The following MYRFL variants were observed in gnomAD, a reference collection of about 807,000 sequenced individuals.
MYRFL encodes myelin regulatory factor like.
In MYRFL, 88 loss-of-function variants were observed where a neutral mutation model predicts 109.4. That is an observed-to-expected ratio of 0.80 (90% CI 0.68 to 0.96). MYRFL has a LOEUF of 0.96. Ranked by LOEUF, MYRFL falls within the 40% of genes least tolerant of loss-of-function variation. The probability of loss-of-function intolerance (pLI) is 0.00; values close to 1 mark genes in which losing one functional copy is unlikely to be tolerated. For synonymous variants in MYRFL, 324 were observed against 320.9 expected (o/e 1.01, Z -0.10); for missense variants, 957 against 954.9 (o/e 1.00, Z -0.03).
chr12:69,906,652 G>A (rs755989927), intron 11 of MYRFL, among the ~76,000 whole-genome samples: 1 of 152,214 alleles, frequency 6.6e-6, no homozygotes, highest in Non-Finnish European at 1.5e-5. Flanking sequence ...GAAGACAAAA[G>A]TAGACATGAA....
rs201894485 is a variant in MYRFL at position 69,916,801 on chromosome 12, GT to G, written c.1602+5872del. Among the ~76,000 whole-genome samples the G allele has an allele frequency of 3.6e-3, 499 of 140,382 alleles. 3 individuals are homozygous for G. The highest frequency in any genetic ancestry group is 0.015 in the Middle Eastern group (4 of 262). The allele number at this position is 140,382 out of a possible 152,430, so 92.1% of individuals were successfully genotyped here. On this transcript the variant is annotated intron_variant, in intron 13 of 24. Transcript: ENST00000552032. Reference sequence around the variant, plus strand: ...GCAGCCAGACTAAATGACTAAATAAGTAAGGTCATTTATATTTGAAAAATAT... The same window carrying G: ...GCAGCCAGACTAAATGACTAAATAAGAAGGTCATTTATATTTGAAAAATAT...
chr12:69,861,966 T>A (rs11520171), intron 2 of MYRFL, among the ~76,000 whole-genome samples: 2 of 147,202 alleles, frequency 1.4e-5, no homozygotes, highest in South Asian at 4.2e-4. Flanking sequence ...TTTCTACATA[T>A]GGCTAGCCAG....
At chr12:69,917,898 T>C (rs7304003) in intron 13 of MYRFL, among the ~76,000 whole-genome samples, 27,696 of 142,512 alleles carry the variant, frequency 0.19, 2,745 homozygotes, top group Non-Finnish European at 0.23. Context: ...ACTGAACATT[T>C]AGATGAAAAA....
At chr12:69,950,864 A>G (rs1306851851) in intron 19 of MYRFL, among the ~76,000 whole-genome samples, 6 of 152,240 alleles carry the variant, frequency 3.9e-5, no homozygotes, top group Non-Finnish European at 8.8e-5. Flanking sequence ...ATTTCAATTA[A>G]CAATGTTCAT....
chr12:69,936,193 A>T lies in MYRFL; in HGVS notation c.1991+6A>T. 1 of 1,511,792 alleles carries T rather than the reference A, an allele frequency of 6.6e-7. No homozygotes were observed. Among genetic ancestry groups the T allele is most frequent in the Non-Finnish European group, 8.8e-7 (1 of 1,135,576 alleles). 93.6% of individuals were successfully genotyped at this position (1,511,792 alleles called of 1,614,324 possible). A position where few individuals can be genotyped will look rare whatever the true frequency, so the allele number is the denominator to read the frequency against. ...GTCCCAAATCTCCCTCCAAGGTGAG[A>T]GTTCAGTTCAATTTTCTGGCCTAAA... On this transcript the variant is annotated splice_donor_region_variant and intron_variant, in intron 17 of 24. Coordinates refer to ENST00000552032, the MANE Select transcript of MYRFL (RefSeq NM_182530.3).
At chr12:69,945,980 C>G (rs1955824632) in intron 19 of MYRFL, among the ~76,000 whole-genome samples, 1 of 61,138 alleles carries the variant, frequency 1.6e-5, no homozygotes, top group Non-Finnish European at 3.1e-5. Context: ...GAGCGAGACT[C>G]CGTCTCAAAA....
intron 1 of MYRFL, 28 bp from the exon 2 acceptor site, chr12:69,855,252 T>G (rs1211527283): frequency 7.2e-6 from 5 of 698,900 alleles, no homozygotes; most frequent in Admixed American, 2.0e-5. Flanking sequence ...TCTTCATGTT[T>G]CTCAAGATTT....
intron 6 of MYRFL, among the ~76,000 whole-genome samples, chr12:69,888,520 TACTTA>T (rs1303682869): frequency 1.3e-5 from 2 of 152,246 alleles, no homozygotes; most frequent in African/African-American, 4.8e-5. Context: ...ATTGACTTTA[TACTTA>T]ACTTTTGATA....
intron 13 of MYRFL, among the ~76,000 whole-genome samples, chr12:69,926,303 A>G (rs143360889): frequency 1.5e-3 from 234 of 152,146 alleles, no homozygotes; most frequent in African/African-American, 5.4e-3. Context: ...AGATTTGCCA[A>G]TGTCCTTCAG....
At chr12:69,900,820 C>A (rs960265148) in intron 10 of MYRFL, among the ~76,000 whole-genome samples, 27 of 152,158 alleles carry the variant, frequency 1.8e-4, no homozygotes, top group African/African-American at 6.5e-4. Flanking sequence ...GCGCCATTTA[C>A]ATTGTATTTT....
chr12:69,934,369 G>A (rs1278293248), intron 16 of MYRFL, among the ~76,000 whole-genome samples: 1 of 152,244 alleles, frequency 6.6e-6, no homozygotes, highest in Non-Finnish European at 1.5e-5. Flanking sequence ...CCTGGTGAGG[G>A]TGCCTGGGAC....
chr12:69,833,538 G>A (rs12427031), intron 1 of MYRFL, among the ~76,000 whole-genome samples: 17,834 of 152,194 alleles, frequency 0.12, 1,300 homozygotes, highest in Middle Eastern at 0.2. Flanking sequence ...ACTTTATGTT[G>A]GATATTGTAC....
At chr12:69,840,000 A>G (rs1477243205) in intron 1 of MYRFL, among the ~76,000 whole-genome samples, 1 of 152,186 alleles carries the variant, frequency 6.6e-6, no homozygotes, top group Non-Finnish European at 1.5e-5. Flanking sequence ...TCTTTTCAAA[A>G]CCTATGACAA....
intron 11 of MYRFL, among the ~76,000 whole-genome samples, chr12:69,909,288 G>A (rs1013892775): frequency 6.6e-6 from 1 of 152,308 alleles, no homozygotes; most frequent in African/African-American, 2.4e-5. Context: ...AATCCTAAAC[G>A]ATGGTGGAGG....
rs180684049 is a variant in MYRFL, at chr12:69,853,134, G to T, written c.47-2146G>T. ...CCAGACGGGGTGGCGGCTGGGCAGA[G>T]GGGCTCCTCACTTCCCAGACGGGGC... On this transcript the variant is annotated intron_variant, in intron 1 of 24. Transcript: ENST00000552032. 9.0e-3 allele frequency among the ~76,000 whole-genome samples: 1,371 copies of T among 152,330 alleles called. 20 individuals carry two copies. The highest frequency in any genetic ancestry group is 0.031 in the African/African-American group (1,289 of 41,568).
intron 1 of MYRFL, among the ~76,000 whole-genome samples, chr12:69,842,677 C>T (rs989263306): frequency 1.3e-5 from 2 of 152,142 alleles, no homozygotes; most frequent in Non-Finnish European, 2.9e-5. Flanking sequence ...TTCCAGAGTC[C>T]TGCTGTTGAT....
chr12:69,940,530 C>T, intron 19 of MYRFL, among the ~76,000 whole-genome samples: 1 of 151,542 alleles, frequency 6.6e-6, no homozygotes, highest in Non-Finnish European at 1.5e-5. Context: ...CCAGGCCTGC[C>T]CTAAAAGAGC....
rs919250290 is a variant in MYRFL at position 69,857,428 on chromosome 12, ATTC to A, written c.137+2063_137+2065del. Among the ~76,000 whole-genome samples the A allele has an allele frequency of 7.3e-4, 111 of 151,942 alleles. 1 individual carries two copies. The highest frequency in any genetic ancestry group is 2.6e-3 in the African/African-American group (110 of 41,552). Reference sequence around the variant, plus strand: ...GAATTAGCTTGTCAATATTTAAACAATTCTTCTGGGATTTTGATTAAAATTTTA... The same window carrying A: ...GAATTAGCTTGTCAATATTTAAACAATTCTGGGATTTTGATTAAAATTTTA... On this transcript the variant is annotated intron_variant, in intron 2 of 24. Transcript: ENST00000552032.
Position 69,855,169 on chromosome 12 carries a change from G to T in MYRFL, c.47-111G>T, listed in dbSNP as rs1884196476. 17 of 538,752 alleles carry T rather than the reference G, an allele frequency of 3.2e-5. No individual in the cohort carries two copies. The South Asian group carries it at 5.1e-4, about 16-fold the overall frequency. 33.4% of individuals were successfully genotyped at this position (538,752 alleles called of 1,614,324 possible). A position where few individuals can be genotyped will look rare whatever the true frequency, so the allele number is the denominator to read the frequency against. On this transcript the variant is annotated intron_variant, in intron 1 of 24. Transcript: ENST00000552032. ...CCTCTTCCATGCTGTTGATCCTTGT[G>T]GATACAATAAGAAAGACACAGTCCC...
Sources: allele counts gnomAD v4.1 joint callset (sites outside exome capture counted in the v4.1 genomes callset), GRCh38; gene constraint gnomAD v4.1.1; transcripts MANE v1.5; gene names NCBI Gene and HGNC (gene_info 2026-07-23, HGNC 2026-07-21).